HIRIP3: variants seen among roughly 807,000 people sequenced by gnomAD.
HIRIP3 encodes HIRA interacting protein 3.
A neutral mutation model predicts 50.3 loss-of-function variants in HIRIP3; 40 were observed. The observed-to-expected ratio is 0.79, with a 90% CI of 0.62 to 1.03. HIRIP3 has a LOEUF of 1.03. Among genes scored for constraint, HIRIP3 ranks in the 50% least tolerant of loss-of-function variants. The pLI, the probability that HIRIP3 is intolerant of heterozygous loss-of-function variation, is 0.00. For synonymous variants in HIRIP3, 318 were observed against 261.6 expected, an observed-to-expected ratio of 1.22 and a Z score of -2.08; for missense variants, 765 against 705.4, an observed-to-expected ratio of 1.08 and a Z score of -0.96.
At position 29,992,889 on chromosome 16, in the gene HIRIP3, G is replaced by A; in HGVS notation, c.*318C>T. On this transcript the variant is annotated 3_prime_UTR_variant, in exon 7 of 7. Transcript: ENST00000279392. ...AGGCAGGGACTTCTTCCAGGAACCC[G>A]GGGGAAATTAAAGGGAACCAGGCCA... 9.0e-6 allele frequency: 2 copies of A among 221,228 alleles called. No homozygotes were observed. The highest frequency in any genetic ancestry group is 1.8e-5 in the Non-Finnish European group (2 of 113,564). The allele number at this position is 221,228 out of a possible 1,614,324, so 13.7% of individuals were successfully genotyped here.
rs2070071505 is a variant in HIRIP3, at chr16:29,995,466, G to GA, written c.66-4_66-3insT. Reference sequence around the variant, plus strand: ...GCACGATGGAATGCGTAAGCGTGCTGCAGGGACATGGTGTCAGGACGGAGT... The same window carrying GA: ...GCACGATGGAATGCGTAAGCGTGCTGACAGGGACATGGTGTCAGGACGGAGT... On this transcript the variant is annotated splice_region_variant and splice_polypyrimidine_tract_variant and intron_variant, in intron 1 of 6. Transcript: ENST00000279392. 12 of 1,613,616 alleles carry GA rather than the reference G, an allele frequency of 7.4e-6. No individual in the cohort carries two copies. The highest frequency in any genetic ancestry group is 9.3e-6 in the Non-Finnish European group (11 of 1,179,752).
At position 29,992,888 on chromosome 16, in the gene HIRIP3, C is replaced by CG. The variant is rs963698387; in HGVS notation, c.*318dup. 5.9e-5 allele frequency: 13 copies of CG among 221,662 alleles called. No individual in the cohort carries two copies. The highest frequency in any genetic ancestry group is 1.1e-4 in the Non-Finnish European group (13 of 113,944). The allele number at this position is 221,662 out of a possible 1,614,324, so 13.7% of individuals were successfully genotyped here. The stretch of plus-strand genomic sequence containing the variant: ...GAGGCAGGGACTTCTTCCAGGAACC[C>CG]GGGGGAAATTAAAGGGAACCAGGCC... On this transcript the variant is annotated 3_prime_UTR_variant, in exon 7 of 7. Coordinates refer to ENST00000279392, the MANE Select transcript of HIRIP3 (RefSeq NM_003609.5).
rs1209350406 is a variant in HIRIP3, at chr16:29,993,988, G to T, written c.1157C>A (p.Ser386Tyr). The change falls in exon 4 of 7, where the codon TCT (serine) becomes TAT (tyrosine). Residue 386 changes from serine to tyrosine, a missense_variant. Physicochemically the swap from Ser to Tyr is moderately radical, Grantham distance 144 (BLOSUM62 -2). Coordinates refer to ENST00000279392, the MANE Select transcript of HIRIP3 (RefSeq NM_003609.5). ...GGPQGERKNR[S>Y]SKKSSRKGRT... The stretch of plus-strand genomic sequence containing the variant: ...GCCTTTCCTGGAGCTCTTCTTGGAA[G>T]AGCGGTTCTTCCTCTCCCCCTGGGG... 1.3e-6 allele frequency: 2 copies of T among 1,580,636 alleles called. No homozygotes were observed. Among genetic ancestry groups the T allele is most frequent in the Non-Finnish European group, 1.7e-6 (2 of 1,164,524 alleles).
Position 29,994,684 on chromosome 16 carries a change from T to G in HIRIP3, c.461A>C (p.Gln154Pro). 1 of 1,614,176 alleles carries G rather than the reference T, an allele frequency of 6.2e-7. No individual in the cohort carries two copies. Among genetic ancestry groups the G allele is most frequent in the Non-Finnish European group, 8.5e-7 (1 of 1,180,038 alleles). ...DEERQRDLPA[Q>P]RGEESSEEEE... ...CTCCTCACTGCTCTCCTCTCCCCTC[T>G]GTGCGGGCAGGTCCCTCTGCCGTTC... Residue 154 changes from glutamine to proline, a missense_variant, in exon 4 of 7, where the codon CAG becomes CCG. Coordinates refer to ENST00000279392, the MANE Select transcript of HIRIP3 (RefSeq NM_003609.5).
In HIRIP3 at chr16:29,994,600, G is replaced by A; in HGVS notation, c.545C>T (p.Pro182Leu). The A allele has an allele frequency of 1.2e-6, 2 of 1,614,078 alleles. No individual in the cohort carries two copies. Among genetic ancestry groups the A allele is most frequent in the South Asian group, 1.1e-5 (1 of 91,066 alleles). ...RKKPVVKKQA[P>L]GKASVSRKQA... ...CTTCCTACTGACTGAGGCCTTGCCTGGTGCCTGCTTCTTTACCACAGGTTT... is the reference window on the plus strand; with the variant it reads ...CTTCCTACTGACTGAGGCCTTGCCTAGTGCCTGCTTCTTTACCACAGGTTT... Residue 182 changes from proline to leucine, a missense_variant, in exon 4 of 7, where the codon CCA becomes CTA. By Grantham distance (98) the Pro-to-Leu change is moderately conservative. Transcript: ENST00000279392.
At position 29,995,206 on chromosome 16, in the gene HIRIP3, G is replaced by C. The variant is rs1201217161; in HGVS notation, c.198C>G (p.Ala66=). 2.5e-6 allele frequency: 4 copies of C among 1,614,102 alleles called. No homozygotes were observed. Among genetic ancestry groups the C allele is most frequent in the Non-Finnish European group, 3.4e-6 (4 of 1,180,028 alleles). ...EELLKMQVDE[A]ASREDKLDLT... Reference sequence around the variant, plus strand: ...GGTCCAGTTTGTCTTCCCTGGAAGCGGCTTCATCCACCTGTGTGTGCGCCA... The same window carrying C: ...GGTCCAGTTTGTCTTCCCTGGAAGCCGCTTCATCCACCTGTGTGTGCGCCA... The change falls in exon 3 of 7, where the codon GCC becomes GCG. Residue 66 remains alanine (A), a synonymous_variant. Transcript: ENST00000279392.
Position 29,995,234 on chromosome 16 carries a change from A to G in HIRIP3, c.187-17T>C. On this transcript the variant is annotated splice_polypyrimidine_tract_variant and intron_variant, in intron 2 of 6. Transcript: ENST00000279392. ...TTCATCCACCTGTGTGTGCGCCAAG[A>G]GGGCAAACTATGCACCAAGGCTGCG... 1 of 1,614,126 alleles carries G rather than the reference A, an allele frequency of 6.2e-7. No homozygotes were observed. The highest frequency in any genetic ancestry group is 1.3e-5 in the African/African-American group (1 of 75,042).
chr16:29,995,671 C>T (rs370809064), upstream of HIRIP3: 1,581 of 1,579,114 alleles, frequency 1.0e-3, 24 homozygotes, highest in South Asian at 0.013. Context: ...GCGCGTTTGA[C>T]AGCGGCTCGC....
chr16:29,995,057 G>GA (rs770016466), intron 3 of HIRIP3, 46 bp downstream of exon 3: 149 of 1,579,232 alleles, frequency 9.4e-5, no homozygotes, highest in Non-Finnish European at 1.2e-4. Flanking sequence ...CTTCTTGAGT[G>GA]AACCAACGAT....
chr16:29,995,836 A>G (rs1596656507), upstream of HIRIP3: 1 of 607,882 alleles, frequency 1.6e-6, no homozygotes, highest in East Asian at 2.8e-5. Flanking sequence ...TCATTTTAAA[A>G]GTTCTCGTTA....
chr16:29,995,638 TTTTTTCTTCTCGGCC>T, upstream of HIRIP3: 1 of 1,609,614 alleles, frequency 6.2e-7, no homozygotes, highest in Non-Finnish European at 8.5e-7. Context: ...GCTCCCGCCT[TTTTTTCTTCTCGGCC>T]TCCGTCAGCG....
chr16:29,994,158 C>T lies in HIRIP3; in HGVS notation c.987G>A (p.Leu329=). The change falls in exon 4 of 7, where the codon TTG becomes TTA. Residue 329 remains leucine (L), a synonymous_variant. Transcript: ENST00000279392. ...CTTCCTCGTCCTCGCTGCTTCCACTCAACCTCTTCCCACCCTTAAGCTGGG... is the reference window on the plus strand; with the variant it reads ...CTTCCTCGTCCTCGCTGCTTCCACTTAACCTCTTCCCACCCTTAAGCTGGG... ...DRTQLKGGKR[L]SGSSEDEEDS... 6.2e-7 allele frequency: 1 copy of T among 1,614,184 alleles called. No individual in the cohort carries two copies. The highest frequency in any genetic ancestry group is 8.5e-7 in the Non-Finnish European group (1 of 1,180,026).
chr16:29,995,697 C>A, upstream of HIRIP3: 7 of 1,501,856 alleles, frequency 4.7e-6, no homozygotes, highest in Non-Finnish European at 6.4e-6. Flanking sequence ...CGCAGTGCTG[C>A]GGCAACGTGG....
chr16:29,995,722 G>A, upstream of HIRIP3: 2 of 1,333,852 alleles, frequency 1.5e-6, no homozygotes, highest in South Asian at 1.3e-5. Context: ...AGGGACCGTT[G>A]GCCCTTGGCC....
At position 29,993,214 on chromosome 16, in the gene HIRIP3, C is replaced by T. The variant is rs755938784; in HGVS notation, c.1664G>A (p.Ser555Asn). 2 of 1,592,498 alleles carry T rather than the reference C, an allele frequency of 1.3e-6. No homozygotes were observed. Among genetic ancestry groups the T allele is most frequent in the Non-Finnish European group, 1.7e-6 (2 of 1,168,696 alleles). Residue 555 changes from serine to asparagine, a missense_variant, in exon 7 of 7, where the codon AGT (serine) becomes AAT (asparagine). By Grantham distance (46) the Ser-to-Asn change is conservative. Transcript: ENST00000279392. ...MRGIISSDGE[S>N]N ...TCCTGGGGGTGGCAGAGCTCAGTTA[C>T]TCTCGCCATCACTGCTGATGATGCC...
In HIRIP3 at chr16:29,992,885, A is replaced by C; in HGVS notation, c.*322T>G. 54 of 197,348 alleles carry C rather than the reference A, an allele frequency of 2.7e-4. No individual in the cohort carries two copies. The highest frequency in any genetic ancestry group is 1.9e-3 in the Middle Eastern group (1 of 522). The allele number at this position is 197,348 out of a possible 1,614,324, so 12.2% of individuals were successfully genotyped here. ...CTGGAGGCAGGGACTTCTTCCAGGA[A>C]CCCGGGGGAAATTAAAGGGAACCAG... On this transcript the variant is annotated 3_prime_UTR_variant, in exon 7 of 7. Transcript: ENST00000279392.
rs757207411 is a variant in HIRIP3, at chr16:29,993,226, C to G, written c.1652G>C (p.Ser551Thr). The change falls in exon 7 of 7, where the codon AGT becomes ACT. Residue 551 changes from serine (S) to threonine (T), a missense_variant. By Grantham distance (58) the Ser-to-Thr change is moderately conservative. Transcript: ENST00000279392. ...CAGAGCTCAGTTACTCTCGCCATCA[C>G]TGCTGATGATGCCACGCATATGTGA... ...DWSHMRGIIS[S>T]DGESN 1.3e-6 allele frequency: 2 copies of G among 1,592,822 alleles called. No homozygotes were observed. Among genetic ancestry groups the G allele is most frequent in the Non-Finnish European group, 1.7e-6 (2 of 1,169,112 alleles).
At position 29,993,066 on chromosome 16, in the gene HIRIP3, G is replaced by A; in HGVS notation, c.*141C>T. Reference sequence around the variant, plus strand: ...CCTTAAAGGGACAGCGTGAAGCTGAGAAGTAGCATCCCAACAGCTTGTGTC... The same window carrying A: ...CCTTAAAGGGACAGCGTGAAGCTGAAAAGTAGCATCCCAACAGCTTGTGTC... On this transcript the variant is annotated 3_prime_UTR_variant, in exon 7 of 7. Transcript: ENST00000279392. The A allele has an allele frequency of 3.1e-6, 2 of 648,834 alleles. No homozygotes were observed. Among genetic ancestry groups the A allele is most frequent in the Non-Finnish European group, 4.9e-6 (2 of 407,646 alleles). 40.2% of individuals were successfully genotyped at this position (648,834 alleles called of 1,614,324 possible). A position where few individuals can be genotyped will look rare whatever the true frequency, so the allele number is the denominator to read the frequency against.
chr16:29,995,518 C>A (rs754261304), intron 1 of HIRIP3, 23 bp downstream of exon 1: 1 of 1,613,640 alleles, frequency 6.2e-7, no homozygotes, highest in Admixed American at 1.7e-5. Flanking sequence ...CCTTTCCAAC[C>A]CCATCTCCAA....
Sources: gnomAD v4.1 joint callset for allele counts on GRCh38, gnomAD v4.1.1 for gene constraint, MANE v1.5 for transcripts, NCBI Gene and HGNC (gene_info 2026-07-23, HGNC 2026-07-21) for gene names.